The following SPG7 variants were observed in gnomAD, a reference collection of about 807,000 sequenced individuals.
SPG7 encodes the protein SPG7 matrix AAA peptidase subunit, paraplegin.
SPG7 carries 103 observed loss-of-function variants against 81.9 expected under a neutral mutation model. That is an observed-to-expected ratio of 1.26 (90% CI 1.07 to 1.48). The LOEUF is 1.48. Ranked by LOEUF, SPG7 falls within the 40% of genes most tolerant of loss-of-function variation. The pLI, the probability that SPG7 is intolerant of heterozygous loss-of-function variation, is 0.00. For missense variants in SPG7, 1,241 were observed against 1,087.3 expected, an observed-to-expected ratio of 1.14 and a Z score of -1.99; for synonymous variants, 534 against 444.2, an observed-to-expected ratio of 1.20 and a Z score of -2.54.
rs117896335 is a variant in SPG7, at chr16:89,529,775, C to T, written c.861+196C>T. The T allele has an allele frequency of 0.014, 9,063 of 643,886 alleles. 84 individuals are homozygous for T. Among genetic ancestry groups the T allele is most frequent in the Non-Finnish European group, 0.019 (6,752 of 351,422 alleles). The allele number at this position is 643,886 out of a possible 1,614,324, so 39.9% of individuals were successfully genotyped here. A position where few individuals can be genotyped will look rare whatever the true frequency, so the allele number is the denominator to read the frequency against. On this transcript the variant is annotated intron_variant, in intron 6 of 16. Coordinates refer to ENST00000645818, the MANE Select transcript of SPG7 (RefSeq NM_003119.4). Reference sequence around the variant, plus strand: ...TGTAGTAACCAATGTTGCCTGAGGGCCTCTCACCCCTAACTCTGGGGTGCC... The same window carrying T: ...TGTAGTAACCAATGTTGCCTGAGGGTCTCTCACCCCTAACTCTGGGGTGCC...
In SPG7 at chr16:89,546,690, G is replaced by A; in HGVS notation, c.1482G>A (p.Lys494=). ...GGGAGATTTTTGAGCAGCACCTGAA[G>A]AGCCTGAAGCTGACCCAGTCCAGCA... The part of the protein sequence containing the change: ...ERREIFEQHL[K]SLKLTQSSTF... Residue 494 remains lysine, a synonymous_variant, in exon 11 of 17, where the codon AAG becomes AAA. Coordinates refer to ENST00000645818, the MANE Select transcript of SPG7 (RefSeq NM_003119.4). 3 of 1,613,760 alleles carry A rather than the reference G, an allele frequency of 1.9e-6. No individual in the cohort carries two copies. Among genetic ancestry groups the A allele is most frequent in the African/African-American group, 1.3e-5 (1 of 74,992 alleles).
intron 9 of SPG7, chr16:89,533,056 A>G (rs2058366534): frequency 7.3e-6 from 1 of 136,870 alleles, no homozygotes; most frequent in Non-Finnish European, 1.5e-5. Context: ...CCTGGGTGAC[A>G]GAGGGAGACT....
chr16:89,545,763 G>A (rs2058556373), intron 10 of SPG7: 1 of 322,660 alleles, frequency 3.1e-6, no homozygotes, highest in Non-Finnish European at 6.1e-6. Flanking sequence ...GAACATGTGT[G>A]GGAATTGGAA....
intron 2 of SPG7, among the ~76,000 whole-genome samples, chr16:89,511,397 C>G (rs1237522520): frequency 6.6e-6 from 1 of 152,238 alleles, no homozygotes; most frequent in East Asian, 1.9e-4. Flanking sequence ...ACACCTCTCA[C>G]TTTTATTTCA....
At chr16:89,511,903 G>T (rs2058028030) in intron 2 of SPG7, among the ~76,000 whole-genome samples, 1 of 124,460 alleles carries the variant, frequency 8.0e-6, no homozygotes, top group African/African-American at 2.8e-5. Context: ...TGTTGTTGTT[G>T]TTGTTGTTGT....
chr16:89,520,141 G>A (rs1407852301), intron 3 of SPG7: 2 of 152,572 alleles, frequency 1.3e-5, no homozygotes, highest in African/African-American at 4.8e-5. Context: ...GTGTGAGCTG[G>A]CGGCTCGTCT....
chr16:89,512,162 C>A (rs568505549), intron 2 of SPG7, among the ~76,000 whole-genome samples: 2 of 152,144 alleles, frequency 1.3e-5, no homozygotes, highest in Admixed American at 1.3e-4. Flanking sequence ...CCACCCGACT[C>A]GGCCTCCCAA....
chr16:89,519,615 C>T (rs779581671), intron 3 of SPG7: 1 of 151,868 alleles, frequency 6.6e-6, no homozygotes, highest in African/African-American at 2.4e-5. Context: ...CTCCCGACCT[C>T]AGGTGATGCA....
intron 3 of SPG7, chr16:89,519,333 G>C (rs997249530): frequency 6.6e-6 from 1 of 151,710 alleles, no homozygotes; most frequent in Non-Finnish European, 1.5e-5. Context: ...GTTACTTCAC[G>C]GTTGCTAACT....
At chr16:89,550,766 C>T (rs2058626746) in intron 13 of SPG7, among the ~76,000 whole-genome samples, 157 bp downstream of exon 13, 1 of 152,196 alleles carries the variant, frequency 6.6e-6, no homozygotes, top group Non-Finnish European at 1.5e-5. Context: ...AAGCCTGCCA[C>T]TGTCATGATC....
At chr16:89,512,733 G>A (rs577562268) in intron 2 of SPG7, among the ~76,000 whole-genome samples, 86 of 152,238 alleles carry the variant, frequency 5.6e-4, no homozygotes, top group African/African-American at 1.9e-3. Context: ...GATATTTAAC[G>A]TAAGTTAAAA....
chr16:89,537,169 G>T (rs978733203), intron 9 of SPG7: 3 of 1,453,506 alleles, frequency 2.1e-6, no homozygotes, highest in Non-Finnish European at 2.7e-6. Context: ...TCATGGAAGC[G>T]CACAGGATAG....
At position 89,553,904 on chromosome 16, in the gene SPG7, C is replaced by G. The variant is rs769512676; in HGVS notation, c.2047C>G (p.Leu683Val). The change falls in exon 15 of 17, where the codon CTC (leucine) becomes GTC (valine). Residue 683 changes from leucine (L) to valine (V), a missense_variant. By Grantham distance (32) the Leu-to-Val change is conservative. Transcript: ENST00000645818. ...PISFPEAQEG[L>V]MGIGRRPFSQ... is the part of the protein sequence containing the mutation. The stretch of plus-strand genomic sequence containing the variant: ...CTCCTTCCCTGAGGCGCAGGAGGGC[C>G]TCATGGGCATCGGGCGGCGCCCCTT... 1 of 1,613,098 alleles carries G rather than the reference C, an allele frequency of 6.2e-7. No individual in the cohort carries two copies. Among genetic ancestry groups the G allele is most frequent in the South Asian group, 1.1e-5 (1 of 91,076 alleles).
intron 9 of SPG7, chr16:89,538,861 G>A (rs2058461948): frequency 6.6e-6 from 1 of 152,334 alleles, no homozygotes; most frequent in African/African-American, 2.4e-5. Flanking sequence ...TGTGGGAAGT[G>A]AGGCTGTGGC....
intron 7 of SPG7, 195 bp downstream of exon 7, chr16:89,531,003 T>C (rs1219241554): frequency 6.9e-6 from 5 of 728,382 alleles, no homozygotes; most frequent in Non-Finnish European, 9.5e-6. Flanking sequence ...GTGCACATGG[T>C]TCAGCCAAGC....
At chr16:89,537,118 C>G (rs1397993233) in intron 9 of SPG7, 1 of 1,487,278 alleles carries the variant, frequency 6.7e-7, no homozygotes, top group Non-Finnish European at 8.9e-7. Context: ...TGTGCATGCT[C>G]AGCCCTGCCG....
chr16:89,531,033 G>A (rs972427373), intron 7 of SPG7: 5 of 639,530 alleles, frequency 7.8e-6, no homozygotes, highest in Non-Finnish European at 1.4e-5. Flanking sequence ...CAAGACCCAT[G>A]CCTACTGTGC....
chr16:89,524,804 C>A (rs2058239533), intron 4 of SPG7, among the ~76,000 whole-genome samples: 1 of 152,024 alleles, frequency 6.6e-6, no homozygotes, highest in Non-Finnish European at 1.5e-5. Context: ...GCAATTTAAC[C>A]CAGGGTAATG....
chr16:89,523,329 G>C (rs1018911049), intron 3 of SPG7: 1 of 256,752 alleles, frequency 3.9e-6, no homozygotes, highest in Admixed American at 5.1e-5. Flanking sequence ...TCATTCTGAT[G>C]AGTAAAAAGT....
Sources: gnomAD v4.1 joint callset for allele counts (sites outside exome capture counted in the v4.1 genomes callset) on GRCh38, gnomAD v4.1.1 for gene constraint, MANE v1.5 for transcripts, NCBI Gene and HGNC (gene_info 2026-07-23, HGNC 2026-07-21) for gene names.